Variants in TGIF1 observed in about 807,000 individuals in gnomAD.
TGIF1 encodes TGFB induced factor homeobox 1.
In TGIF1, 4 loss-of-function variants were observed where a neutral mutation model predicts 19.3. The ratio of observed to expected loss-of-function variants is 0.21; its 90% CI spans 0.10 to 0.47. TGIF1 has a LOEUF of 0.47. Ranked by LOEUF, TGIF1 falls within the 20% of genes least tolerant of loss-of-function variation. The pLI, the probability that TGIF1 is intolerant of heterozygous loss-of-function variation, is 0.98. For synonymous variants in TGIF1, 122 were observed against 129.3 expected (o/e 0.94, Z 0.38); for missense variants, 275 against 341.4 (o/e 0.81, Z 1.53).
At chr18:3,422,857 A>AT (rs571333830) in intron 2 of TGIF1, among the ~76,000 whole-genome samples, 107 of 151,684 alleles carry the variant, frequency 7.1e-4, no homozygotes, top group African/African-American at 2.4e-3. Flanking sequence ...CGCCCAGCTA[A>AT]TTTTTTGTAT....
At chr18:3,416,842 A>G (rs1390554064) in intron 1 of TGIF1, among the ~76,000 whole-genome samples, 3 of 151,898 alleles carry the variant, frequency 2.0e-5, no homozygotes, top group African/African-American at 7.3e-5. Flanking sequence ...GAGGCAGGAG[A>G]ATCGCTTGAA....
chr18:3,437,630 T>C lies in TGIF1; in HGVS notation c.-44-18724T>C, dbSNP rs182418856. Among the ~76,000 whole-genome samples the C allele has an allele frequency of 6.2e-4, 94 of 152,316 alleles. 1 individual carries two copies. In the East Asian group the frequency reaches 0.013, roughly 22 times the overall value. On this transcript the variant is annotated intron_variant, in intron 2 of 3. Transcript: ENST00000401449. ...ATGAAAAACAGAGGTTATTTGTTAA[T>C]TGTATTTCAAAGCTACACGGAAGGG...
At position 3,457,832 on chromosome 18, in the gene TGIF1, C is replaced by T. The variant is rs141303152; in HGVS notation, c.711C>T (p.Pro237=). ...AGAGTGGTCTTTTCAACACTCCTCC[C>T]CCTACTCCACCGGACCTCAACCAGG... ...NTQSGLFNTP[P]PTPPDLNQDF... Residue 237 remains proline, a synonymous_variant, in exon 3 of 3, where the codon CCC becomes CCT. Transcript: ENST00000343820. The surrounding 1 kb of genome is among the most constrained non-coding windows in gnomAD (Gnocchi z 4.9). 1 of 1,611,822 alleles carries T rather than the reference C, an allele frequency of 6.2e-7. No individual in the cohort carries two copies. The highest frequency in any genetic ancestry group is 8.5e-7 in the Non-Finnish European group (1 of 1,179,998).
intron 2 of TGIF1, among the ~76,000 whole-genome samples, chr18:3,420,679 C>A (rs987139193): frequency 1.1e-4 from 17 of 152,178 alleles, no homozygotes; most frequent in African/African-American, 4.1e-4. Context: ...CACACTAACA[C>A]TAATCAAAAG....
At chr18:3,449,237 G>T (rs2082820376), upstream of TGIF1, among the ~76,000 whole-genome samples, 1 of 152,170 alleles carries the variant, frequency 6.6e-6, no homozygotes, top group South Asian at 2.1e-4. Context: ...GGATCCCCTA[G>T]CAGGGTTCCA....
rs965203845 is a variant in TGIF1 at position 3,450,462 on chromosome 18, T to C, written c.-28T>C. 1 of 1,555,528 alleles carries C rather than the reference T, an allele frequency of 6.4e-7. No homozygotes were observed. The highest frequency in any genetic ancestry group is 8.7e-7 in the Non-Finnish European group (1 of 1,149,580). ...TCCTGGCCCCTCCAGACCCCCGCCT[T>C]GCCTCGCGCTGGGAGGGGAGATCCA... On this transcript the variant is annotated 5_prime_UTR_variant, in exon 1 of 3. Transcript: ENST00000343820.
chr18:3,427,190 C>T (rs1482550019), intron 2 of TGIF1, among the ~76,000 whole-genome samples: 8 of 152,076 alleles, frequency 5.3e-5, no homozygotes, highest in East Asian at 3.9e-4. Context: ...GCAATCCACC[C>T]GCCTCGGCCT....
At chr18:3,431,602 T>G (rs779406046) in intron 2 of TGIF1, among the ~76,000 whole-genome samples, 3 of 150,854 alleles carry the variant, frequency 2.0e-5, no homozygotes, top group Non-Finnish European at 3.0e-5. Context: ...TTCCACAGAG[T>G]AGAAAACCAA....
Position 3,450,510 on chromosome 18 carries a change from G to A in TGIF1, c.16+5G>A. ...CCAGAATGAAAGGCAAGAAAGGTAAGGCGGCCGCGGGCTGCGCGCACCAGA... is the reference window on the plus strand; with the variant it reads ...CCAGAATGAAAGGCAAGAAAGGTAAAGCGGCCGCGGGCTGCGCGCACCAGA... On this transcript the variant is annotated splice_donor_5th_base_variant and intron_variant, in intron 1 of 2. Transcript: ENST00000343820. 6 of 1,561,296 alleles carry A rather than the reference G, an allele frequency of 3.8e-6. No homozygotes were observed. Among genetic ancestry groups the A allele is most frequent in the Non-Finnish European group, 5.2e-6 (6 of 1,153,100 alleles).
chr18:3,448,185 G>A (rs1332531657), upstream of TGIF1: 83 of 984,064 alleles, frequency 8.4e-5, no homozygotes, highest in Non-Finnish European at 9.8e-5. Flanking sequence ...CGTCTCCCCA[G>A]TAACCGCCCG....
intron 1 of TGIF1, among the ~76,000 whole-genome samples, chr18:3,414,821 G>A (rs2082310564): frequency 6.6e-6 from 1 of 152,072 alleles, no homozygotes. Flanking sequence ...GAGATCAGAG[G>A]ATCACTTGAA....
intron 2 of TGIF1, among the ~76,000 whole-genome samples, chr18:3,419,532 A>G (rs374156348): frequency 1.1e-4 from 16 of 152,268 alleles, no homozygotes; most frequent in East Asian, 7.7e-4. Flanking sequence ...GGTTTTTTCT[A>G]TCCTTTCTTT....
rs113062522 is a variant in TGIF1 at position 3,452,688 on chromosome 18, C to T, written c.16+2183C>T. On this transcript the variant is annotated intron_variant, in intron 1 of 2. Coordinates refer to ENST00000343820, the MANE Select transcript of TGIF1 (RefSeq NM_003244.4). Reference sequence around the variant, plus strand: ...CCCTCCCTCTCCCCGTGCTCCTCCGCCGTCCTCCTCTAAAACTACCTGGGA... The same window carrying T: ...CCCTCCCTCTCCCCGTGCTCCTCCGTCGTCCTCCTCTAAAACTACCTGGGA... Among the ~76,000 whole-genome samples, 258 of 152,274 alleles carry T rather than the reference C, an allele frequency of 1.7e-3. 2 individuals are homozygous for T. The highest frequency in any genetic ancestry group is 5.7e-3 in the African/African-American group (235 of 41,562).
chr18:3,455,122 CT>C (rs777133772), intron 1 of TGIF1: 10 of 152,018 alleles, frequency 6.6e-5, no homozygotes, highest in South Asian at 2.1e-4. Context: ...ATTACTTCCC[CT>C]AATATAGAAG....
intron 2 of TGIF1, among the ~76,000 whole-genome samples, chr18:3,420,382 CA>C (rs1219917692): frequency 2.8e-5 from 4 of 140,798 alleles, no homozygotes; most frequent in South Asian, 2.3e-4. Flanking sequence ...GACTCCCTCT[CA>C]AAAAAAAAAT....
chr18:3,433,280 G>A (rs901965981), intron 2 of TGIF1, among the ~76,000 whole-genome samples: 144 of 151,712 alleles, frequency 9.5e-4, no homozygotes, highest in Admixed American at 2.7e-3. Context: ...CCCCATGTTG[G>A]CCAGGCTGGT....
At position 3,456,821 on chromosome 18, in the gene TGIF1, C is replaced by T; in HGVS notation, c.243+241C>T. On this transcript the variant is annotated intron_variant, in intron 2 of 2. Coordinates refer to ENST00000343820, the MANE Select transcript of TGIF1 (RefSeq NM_003244.4). This position sits in a 1 kb window ranked among gnomAD's most constrained non-coding sequence, Gnocchi z 4.2. ...CCTAAAAGAACCTTCCTTTATGCAA[C>T]AGACATTAAAAGGAGGTTAAACCTT... 1.6e-6 allele frequency: 1 copy of T among 632,250 alleles called. No homozygotes were observed. Among genetic ancestry groups the T allele is most frequent in the East Asian group, 2.7e-5 (1 of 36,842 alleles). 39.2% of individuals were successfully genotyped at this position (632,250 alleles called of 1,614,324 possible). A position where few individuals can be genotyped will look rare whatever the true frequency, so the allele number is the denominator to read the frequency against.
At chr18:3,429,941 G>C (rs1439841650) in intron 2 of TGIF1, among the ~76,000 whole-genome samples, 1 of 152,182 alleles carries the variant, frequency 6.6e-6, no homozygotes, top group Non-Finnish European at 1.5e-5. Context: ...GATCACCTGC[G>C]GTCAGGAGTT....
intron 2 of TGIF1, among the ~76,000 whole-genome samples, chr18:3,420,392 ATAATAT>A (rs1568028037): frequency 6.6e-6 from 1 of 152,162 alleles, no homozygotes; most frequent in African/African-American, 2.4e-5. Context: ...CAAAAAAAAA[ATAATAT>A]TAATAAAACC....
Sources: allele counts gnomAD v4.1 joint callset (sites outside exome capture counted in the v4.1 genomes callset), GRCh38; gene constraint gnomAD v4.1.1; non-coding constraint Gnocchi (gnomAD v3.1); transcripts MANE v1.5; gene names NCBI Gene and HGNC (gene_info 2026-07-23, HGNC 2026-07-21).